Variants in RPS6KA5 observed in about 807,000 individuals in gnomAD.
RPS6KA5 encodes ribosomal protein S6 kinase A5, also known as ribosomal protein S6 kinase alpha-5.
In RPS6KA5, 27 loss-of-function variants were observed where a neutral mutation model predicts 85.5. The observed-to-expected ratio is 0.32, with a 90% CI of 0.23 to 0.44. RPS6KA5 has a LOEUF of 0.44. Ranked by LOEUF, RPS6KA5 falls within the 20% of genes least tolerant of loss-of-function variation. The pLI is 1.00. For missense variants in RPS6KA5, 811 were observed against 980.9 expected (o/e 0.83, Z 2.31); for synonymous variants, 334 against 348.2 (o/e 0.96, Z 0.46).
At chr14:90,927,997 G>A (rs1308981568) in intron 5 of RPS6KA5, among the ~76,000 whole-genome samples, 1 of 146,106 alleles carries the variant, frequency 6.8e-6, no homozygotes, top group Non-Finnish European at 1.5e-5. Context: ...GTGTAGTGGT[G>A]TGATCACAGC....
chr14:90,971,348 C>G lies in RPS6KA5; in HGVS notation c.394+6958G>C, dbSNP rs544098398. Among the ~76,000 whole-genome samples the G allele has an allele frequency of 1.6e-3, 249 of 152,262 alleles. 1 individual carries two copies. In the Middle Eastern group the frequency reaches 0.024, roughly 15 times the overall value. ...AAAAAATTATTGGAACCCTACCATGCCTATTTATTCACTACTGCCTATGGT... is the reference window on the plus strand; with the variant it reads ...AAAAAATTATTGGAACCCTACCATGGCTATTTATTCACTACTGCCTATGGT... On this transcript the variant is annotated intron_variant, in intron 3 of 16. Coordinates refer to ENST00000614987, the MANE Select transcript of RPS6KA5 (RefSeq NM_004755.4).
At chr14:90,970,286 C>G (rs921149996) in intron 3 of RPS6KA5, among the ~76,000 whole-genome samples, 1 of 152,264 alleles carries the variant, frequency 6.6e-6, no homozygotes. Context: ...CTGTCTGTTT[C>G]GTCATACTAG....
chr14:91,033,660 A>C (rs1259516086), intron 1 of RPS6KA5, among the ~76,000 whole-genome samples: 1 of 152,204 alleles, frequency 6.6e-6, no homozygotes, highest in Non-Finnish European at 1.5e-5. Context: ...GATTACTTAC[A>C]CAGTACTGTT....
At chr14:91,000,944 G>C in intron 2 of RPS6KA5, 144 bp downstream of exon 2, 3 of 504,630 alleles carry the variant, frequency 5.9e-6, no homozygotes, top group Non-Finnish European at 1.1e-5. Context: ...TCTATGAATG[G>C]TCTGTTCATG....
At chr14:91,056,427 G>C (rs183979776) in intron 1 of RPS6KA5, among the ~76,000 whole-genome samples, 1 of 152,294 alleles carries the variant, frequency 6.6e-6, no homozygotes, top group South Asian at 2.1e-4. Context: ...CTGAGAAGGC[G>C]GCGGTGTCTT....
intron 1 of RPS6KA5, among the ~76,000 whole-genome samples, chr14:91,035,874 A>C (rs2042383767): frequency 1.4e-5 from 2 of 142,976 alleles, no homozygotes; most frequent in Non-Finnish European, 3.0e-5. Flanking sequence ...AAAAAAAAAA[A>C]AAAAAAACCC....
At position 90,858,738 on chromosome 14, in the gene RPS6KA5, T is replaced by C. The variant is rs936737346; in HGVS notation, c.*13336A>G. ...GGAGGGAAAAAAGGGAAGCACACTTTGGTGAGCTCTGTGTTCATTTTGATT... is the reference window on the plus strand; with the variant it reads ...GGAGGGAAAAAAGGGAAGCACACTTCGGTGAGCTCTGTGTTCATTTTGATT... On this transcript the variant is annotated 3_prime_UTR_variant, in exon 17 of 17. Transcript: ENST00000614987. 1.3e-5 allele frequency: 2 copies of C among 152,198 alleles called. No individual in the cohort carries two copies. The highest frequency in any genetic ancestry group is 4.8e-5 in the African/African-American group (2 of 41,442). 9.4% of individuals were successfully genotyped at this position (152,198 alleles called of 1,614,324 possible).
At chr14:90,937,743 GT>G (rs956892002) in intron 5 of RPS6KA5, among the ~76,000 whole-genome samples, 1 of 152,072 alleles carries the variant, frequency 6.6e-6, no homozygotes, top group Non-Finnish European at 1.5e-5. Flanking sequence ...GAAAACTCCC[GT>G]TTTTTAAACA....
At chr14:91,018,853 A>G (rs763733420) in intron 1 of RPS6KA5, among the ~76,000 whole-genome samples, 1 of 152,036 alleles carries the variant, frequency 6.6e-6, no homozygotes, top group Non-Finnish European at 1.5e-5. Flanking sequence ...ACTCCCTATC[A>G]TGTATACATA....
chr14:90,909,807 T>A (rs1012445874), intron 7 of RPS6KA5, among the ~76,000 whole-genome samples: 16 of 152,128 alleles, frequency 1.1e-4, no homozygotes, highest in South Asian at 4.1e-4. Context: ...TATTATTATT[T>A]TTTGAGATGG....
intron 14 of RPS6KA5, among the ~76,000 whole-genome samples, chr14:90,887,166 T>C (rs1354630451): frequency 1.3e-5 from 2 of 152,172 alleles, no homozygotes; most frequent in Non-Finnish European, 2.9e-5. Context: ...TATTTTATCA[T>C]GTACCTCTAA....
rs146942753 is a variant in RPS6KA5, at chr14:90,871,931, A to C, written c.*143T>G. On this transcript the variant is annotated 3_prime_UTR_variant, in exon 17 of 17. Transcript: ENST00000614987. ...CCAGTGCTTTTGAATGAGGATAACC[A>C]AACAGGTTTTCCTGAAAAAAATCAT... is the stretch of plus-strand genomic sequence containing the variant. 4.6e-6 allele frequency: 5 copies of C among 1,078,638 alleles called. No homozygotes were observed. Among genetic ancestry groups the C allele is most frequent in the Non-Finnish European group, 6.7e-6 (5 of 746,362 alleles). The allele number at this position is 1,078,638 out of a possible 1,614,324, so 66.8% of individuals were successfully genotyped here. A position where few individuals can be genotyped will look rare whatever the true frequency, so the allele number is the denominator to read the frequency against.
At chr14:90,893,973 AT>A in intron 13 of RPS6KA5, 1 of 843,982 alleles carries the variant, frequency 1.2e-6, no homozygotes, top group Non-Finnish European at 1.4e-6. Flanking sequence ...CTCTTTAAGT[AT>A]TTAGAATAGA....
intron 2 of RPS6KA5, among the ~76,000 whole-genome samples, chr14:90,984,636 T>A (rs976541081): frequency 2.6e-5 from 4 of 152,248 alleles, no homozygotes; most frequent in Non-Finnish European, 5.9e-5. Flanking sequence ...GGAAGTGTCA[T>A]AGAAAAATTT....
intron 14 of RPS6KA5, among the ~76,000 whole-genome samples, chr14:90,877,234 C>T (rs897958635): frequency 1.6e-4 from 24 of 152,258 alleles, no homozygotes; most frequent in African/African-American, 4.1e-4. Context: ...ATAGAAGACA[C>T]GGAGAAGGAA....
Position 90,855,039 on chromosome 14 carries a change from C to G in RPS6KA5, c.*17035G>C, listed in dbSNP as rs1454438840. The stretch of plus-strand genomic sequence containing the variant: ...TTTTTCAATACATTTCATCTCTTTG[C>G]TTTGCCAGGAACAAAGTTTCAAGTG... On this transcript the variant is annotated 3_prime_UTR_variant, in exon 17 of 17. Coordinates refer to ENST00000614987, the MANE Select transcript of RPS6KA5 (RefSeq NM_004755.4). 6.6e-6 allele frequency: 1 copy of G among 152,090 alleles called. No individual in the cohort carries two copies. The highest frequency in any genetic ancestry group is 1.5e-5 in the Non-Finnish European group (1 of 68,004). 9.4% of individuals were successfully genotyped at this position (152,090 alleles called of 1,614,324 possible).
intron 1 of RPS6KA5, among the ~76,000 whole-genome samples, chr14:91,028,368 C>T (rs907848071): frequency 6.6e-6 from 1 of 152,056 alleles, no homozygotes; most frequent in African/African-American, 2.4e-5. Flanking sequence ...CAGGCTTGAG[C>T]CACCACACCT....
intron 3 of RPS6KA5, among the ~76,000 whole-genome samples, chr14:90,953,982 G>C (rs1031641696): frequency 1.3e-5 from 2 of 152,124 alleles, no homozygotes; most frequent in African/African-American, 4.8e-5. Context: ...TGAAGCATGT[G>C]ATCTTTGTGA....
intron 14 of RPS6KA5, among the ~76,000 whole-genome samples, chr14:90,885,478 G>C (rs1279731277): frequency 9.6e-6 from 1 of 104,456 alleles, no homozygotes; most frequent in Admixed American, 9.8e-5. Context: ...GCGTGAACCC[G>C]GGAGGCGGAG....
Sources: gnomAD v4.1 joint callset for allele counts (sites outside exome capture counted in the v4.1 genomes callset) on GRCh38, gnomAD v4.1.1 for gene constraint, MANE v1.5 for transcripts, NCBI Gene and HGNC (gene_info 2026-07-23, HGNC 2026-07-21) for gene names.